RTN1: variants seen among roughly 807,000 people sequenced by gnomAD.
RTN1 encodes the protein reticulon-1.
RTN1 carries 25 observed loss-of-function variants against 65.5 expected under a neutral mutation model. That is an observed-to-expected ratio of 0.38 (90% CI 0.28 to 0.53). The LOEUF is 0.53. Among genes scored for constraint, RTN1 ranks in the 20% least tolerant of loss-of-function variants. RTN1 has a pLI of 0.79. For missense variants in RTN1, 983 were observed against 1,025.4 expected, an observed-to-expected ratio of 0.96 and a Z score of 0.57; for synonymous variants, 471 against 447.6, an observed-to-expected ratio of 1.05 and a Z score of -0.66.
At position 59,834,678 on chromosome 14, in the gene RTN1, T is replaced by C. The variant is rs542381153; in HGVS notation, c.241+35712A>G. ...TGGGCAACAGTTTTGCACAGATATC[T>C]CATGAAAGAAGACATATAGCTAGCA... is the stretch of plus-strand genomic sequence containing the variant. On this transcript the variant is annotated intron_variant, in intron 1 of 8. Transcript: ENST00000267484. 1.7e-3 allele frequency among the ~76,000 whole-genome samples: 262 copies of C among 152,236 alleles called. 1 individual carries two copies. Among genetic ancestry groups the C allele is most frequent in the Non-Finnish European group, 3.2e-3 (217 of 68,008 alleles).
intron 3 of RTN1, among the ~76,000 whole-genome samples, chr14:59,695,372 A>G (rs1007094287): frequency 1.3e-5 from 2 of 152,206 alleles, no homozygotes; most frequent in African/African-American, 4.8e-5. Flanking sequence ...GCTTTGGCTA[A>G]TGGGATGTGA....
At chr14:59,636,541 C>T (rs1882669828) in intron 3 of RTN1, among the ~76,000 whole-genome samples, 1 of 152,128 alleles carries the variant, frequency 6.6e-6, no homozygotes, top group South Asian at 2.1e-4. Flanking sequence ...CTCAGGTATT[C>T]CTTTATAGTA....
At chr14:59,835,861 G>T (rs1887204280) in intron 1 of RTN1, among the ~76,000 whole-genome samples, 1 of 152,158 alleles carries the variant, frequency 6.6e-6, no homozygotes, top group Admixed American at 6.5e-5. Flanking sequence ...AAATGTAGGG[G>T]CTTAAAATAA....
Position 59,734,321 on chromosome 14 carries a change from T to C in RTN1, c.1016-6653A>G, listed in dbSNP as rs192642587. 1.6e-4 allele frequency among the ~76,000 whole-genome samples: 25 copies of C among 152,258 alleles called. No individual in the cohort carries two copies. In the East Asian group the frequency reaches 4.1e-3, roughly 25 times the overall value. On this transcript the variant is annotated intron_variant, in intron 2 of 8. Coordinates refer to ENST00000267484, the MANE Select transcript of RTN1 (RefSeq NM_021136.3). ...TCTGAAAACTCAAAAAGCTAGAGTG[T>C]CCCTTTTCCTTCAAATGACTGCGAA...
At chr14:59,799,965 G>A (rs529503978) in intron 1 of RTN1, among the ~76,000 whole-genome samples, 1 of 152,166 alleles carries the variant, frequency 6.6e-6, no homozygotes, top group African/African-American at 2.4e-5. Context: ...AAGCTAGATG[G>A]GGAGAATTCC....
chr14:59,807,674 G>C (rs1886661752), intron 1 of RTN1, among the ~76,000 whole-genome samples: 1 of 152,192 alleles, frequency 6.6e-6, no homozygotes, highest in Admixed American at 6.5e-5. Context: ...TTTAACTTTA[G>C]ATGGAACTGG....
At chr14:59,791,166 C>T (rs983758953) in intron 1 of RTN1, among the ~76,000 whole-genome samples, 14 of 152,104 alleles carry the variant, frequency 9.2e-5, no homozygotes, top group African/African-American at 3.1e-4. Flanking sequence ...CTCTCCTTAG[C>T]ATTCTGTTCT....
At chr14:59,750,814 A>C (rs1420504947) in intron 1 of RTN1, among the ~76,000 whole-genome samples, 2 of 141,080 alleles carry the variant, frequency 1.4e-5, no homozygotes, top group African/African-American at 5.4e-5. Context: ...TATAGGCTCA[A>C]AACATCCATC....
chr14:59,772,989 T>C (rs956076533), intron 1 of RTN1, among the ~76,000 whole-genome samples: 1 of 152,044 alleles, frequency 6.6e-6, no homozygotes, highest in Non-Finnish European at 1.5e-5. Context: ...TTAGATGAGG[T>C]TCAAATTATG....
At chr14:59,610,051 A>T in intron 3 of RTN1, 1 of 745,760 alleles carries the variant, frequency 1.3e-6, no homozygotes, top group Admixed American at 1.9e-5. Flanking sequence ...GCCTGAAAGG[A>T]GTTTTCAGAC....
chr14:59,804,368 T>A (rs558774448), intron 1 of RTN1, among the ~76,000 whole-genome samples: 2 of 152,264 alleles, frequency 1.3e-5, no homozygotes, highest in East Asian at 3.9e-4. Context: ...TGACATGACA[T>A]CGCTGGTGAT....
chr14:59,800,738 T>C (rs538357949), intron 1 of RTN1, among the ~76,000 whole-genome samples: 2 of 152,126 alleles, frequency 1.3e-5, no homozygotes, highest in South Asian at 2.1e-4. Context: ...ACAGAGAACA[T>C]TGTCAAGAGA....
chr14:59,769,092 T>C (rs1430960369), intron 1 of RTN1, among the ~76,000 whole-genome samples: 1 of 152,168 alleles, frequency 6.6e-6, no homozygotes, highest in Non-Finnish European at 1.5e-5. Flanking sequence ...CGTCATTGAA[T>C]TCTAAAGCAG....
chr14:59,723,837 C>A (rs915531667), intron 3 of RTN1, among the ~76,000 whole-genome samples: 1 of 152,086 alleles, frequency 6.6e-6, no homozygotes, highest in Admixed American at 6.5e-5. Flanking sequence ...AATCAGAATG[C>A]AGGAAACAAG....
intron 1 of RTN1, among the ~76,000 whole-genome samples, chr14:59,861,061 TG>T (rs1356343064): frequency 6.6e-6 from 1 of 152,146 alleles, no homozygotes; most frequent in African/African-American, 2.4e-5. Flanking sequence ...GAGGGACTGT[TG>T]GGAAGGCATG....
chr14:59,844,236 G>C (rs557102534), intron 1 of RTN1, among the ~76,000 whole-genome samples: 1 of 152,192 alleles, frequency 6.6e-6, no homozygotes, highest in Non-Finnish European at 1.5e-5. Flanking sequence ...CTGTCATTGT[G>C]ACTATACTAA....
At chr14:59,671,813 T>C (rs1883510556) in intron 3 of RTN1, among the ~76,000 whole-genome samples, 1 of 152,242 alleles carries the variant, frequency 6.6e-6, no homozygotes, top group Non-Finnish European at 1.5e-5. Flanking sequence ...ATATGTCCAC[T>C]CTACAGAGCT....
rs776114387 is a variant in RTN1 at position 59,825,480 on chromosome 14, G to A, written c.241+44910C>T. 2.6e-5 allele frequency among the ~76,000 whole-genome samples: 4 copies of A among 152,230 alleles called. No individual in the cohort carries two copies. Among genetic ancestry groups the A allele is most frequent in the Admixed American group, 2.0e-4 (3 of 15,286 alleles). ...TAAAAATAGTTACAATGTGTTTTCTGTTTTGTCAAAGTTTTATCAGCCTGA... is the reference window on the plus strand; with the variant it reads ...TAAAAATAGTTACAATGTGTTTTCTATTTTGTCAAAGTTTTATCAGCCTGA... On this transcript the variant is annotated intron_variant, in intron 1 of 8. Coordinates refer to ENST00000267484, the MANE Select transcript of RTN1 (RefSeq NM_021136.3). The surrounding 1 kb of genome is among the most constrained non-coding windows in gnomAD (Gnocchi z 4.2).
At chr14:59,749,481 CTA>C (rs1358344216) in intron 1 of RTN1, among the ~76,000 whole-genome samples, 887 of 66,108 alleles carry the variant, frequency 0.013, 46 homozygotes, top group African/African-American at 0.065. Flanking sequence ...ATCTATATAT[CTA>C]TATATATCTA....
Sources: allele counts gnomAD v4.1 joint callset (sites outside exome capture counted in the v4.1 genomes callset), GRCh38; gene constraint gnomAD v4.1.1; non-coding constraint Gnocchi (gnomAD v3.1); transcripts MANE v1.5; gene names NCBI Gene and HGNC (gene_info 2026-07-23, HGNC 2026-07-21).